ESRRB: variants seen among roughly 807,000 people sequenced by gnomAD.
ESRRB encodes the protein steroid hormone receptor ERR2.
In ESRRB, 16 loss-of-function variants were observed where a neutral mutation model predicts 46.0. The observed-to-expected ratio is 0.35, with a 90% CI of 0.24 to 0.53. ESRRB has a LOEUF of 0.53. Among genes scored for constraint, ESRRB ranks in the 20% least tolerant of loss-of-function variants. The pLI, the probability that ESRRB is intolerant of heterozygous loss-of-function variation, is 0.93. For synonymous variants in ESRRB, 246 were observed against 259.6 expected, an observed-to-expected ratio of 0.95 and a Z score of 0.50; for missense variants, 488 against 607.4, an observed-to-expected ratio of 0.80 and a Z score of 2.07.
chr14:76,360,487 T>A (rs904409716), intron 1 of ESRRB, among the ~76,000 whole-genome samples: 1 of 151,990 alleles, frequency 6.6e-6, no homozygotes, highest in Non-Finnish European at 1.5e-5. Flanking sequence ...CTAGAACCCA[T>A]GAAATCAAGT....
upstream of ESRRB, among the ~76,000 whole-genome samples, chr14:76,369,973 G>A (rs569604053): frequency 1.6e-4 from 24 of 152,320 alleles, no homozygotes; most frequent in African/African-American, 5.8e-4. Context: ...TGTGGCCATT[G>A]CTGACCATGG....
chr14:76,500,825 T>C lies in ESRRB; in HGVS notation c.*2367T>C. On this transcript the variant is annotated 3_prime_UTR_variant, in exon 7 of 7. Transcript: ENST00000644823. ...TCACTTCAGAGCCCCTCTAGCAGAG[T>C]GGGGCGGAAGTCCTGATGGTTGGTG... 1 of 1,285,384 alleles carries C rather than the reference T, an allele frequency of 7.8e-7. No individual in the cohort carries two copies. The highest frequency in any genetic ancestry group is 1.2e-5 in the South Asian group (1 of 84,644). The allele number at this position is 1,285,384 out of a possible 1,614,324, so 79.6% of individuals were successfully genotyped here.
chr14:76,376,479 G>C lies in ESRRB; in HGVS notation c.50+28G>C. 8.1e-7 allele frequency: 1 copy of C among 1,229,502 alleles called. No homozygotes were observed. The highest frequency in any genetic ancestry group is 4.1e-5 in the South Asian group (1 of 24,260). The allele number at this position is 1,229,502 out of a possible 1,614,324, so 76.2% of individuals were successfully genotyped here. On this transcript the variant is annotated intron_variant, in intron 1 of 6. Coordinates refer to ENST00000644823, the MANE Select transcript of ESRRB (RefSeq NM_001379180.1). This position sits in a 1 kb window ranked among gnomAD's most constrained non-coding sequence, Gnocchi z 4.1. ...AGGTGCCCTGCTTCTCGGTCTGTCTGTCCTTCTGCCCGTCTGGCAGTCTCT... is the reference window on the plus strand; with the variant it reads ...AGGTGCCCTGCTTCTCGGTCTGTCTCTCCTTCTGCCCGTCTGGCAGTCTCT...
rs532710786 is a variant in ESRRB at position 76,490,951 on chromosome 14, C to T, written c.851-496C>T. 5.5e-4 allele frequency among the ~76,000 whole-genome samples: 84 copies of T among 152,166 alleles called. No homozygotes were observed. In the South Asian group the frequency reaches 6.7e-3, roughly 12 times the overall value. ...CTGCGTCCTCGTTCTTGGTCAGGCC[C>T]GTGGGTCTCTGCACAGCTGAGACTG... On this transcript the variant is annotated intron_variant, in intron 5 of 6. Coordinates refer to ENST00000644823, the MANE Select transcript of ESRRB (RefSeq NM_001379180.1).
chr14:76,366,445 G>A (rs1021484920), upstream of ESRRB, among the ~76,000 whole-genome samples: 8 of 152,196 alleles, frequency 5.3e-5, no homozygotes, highest in Non-Finnish European at 7.3e-5. Flanking sequence ...GTGAAAGCCA[G>A]TATGTTAAGG....
chr14:76,494,851 C>G lies in ESRRB; in HGVS notation c.1120+3135C>G, dbSNP rs537893165. Reference sequence around the variant, plus strand: ...GCTGGCCAGGCCTTGGAGGTCAAGCCCTCTATTCTGGGCTCTCCTAACTTA... The same window carrying G: ...GCTGGCCAGGCCTTGGAGGTCAAGCGCTCTATTCTGGGCTCTCCTAACTTA... On this transcript the variant is annotated intron_variant, in intron 6 of 6. Coordinates refer to ENST00000644823, the MANE Select transcript of ESRRB (RefSeq NM_001379180.1). 4.6e-5 allele frequency among the ~76,000 whole-genome samples: 7 copies of G among 152,198 alleles called. No individual in the cohort carries two copies. In the East Asian group the frequency reaches 1.2e-3, roughly 25 times the overall value.
At chr14:76,386,725 G>T (rs778766128) in intron 1 of ESRRB, among the ~76,000 whole-genome samples, 1 of 152,082 alleles carries the variant, frequency 6.6e-6, no homozygotes, top group Non-Finnish European at 1.5e-5. Context: ...GCCTCCAAAT[G>T]ACCATCTTTA....
chr14:76,475,360 C>A (rs1166714840), intron 3 of ESRRB, among the ~76,000 whole-genome samples: 1 of 147,908 alleles, frequency 6.8e-6, no homozygotes, highest in Non-Finnish European at 1.5e-5. Context: ...CAGAGGAAGA[C>A]CTTGCCTCGA....
intron 1 of ESRRB, among the ~76,000 whole-genome samples, chr14:76,398,162 C>A (rs115539390): frequency 6.6e-6 from 1 of 152,206 alleles, no homozygotes; most frequent in Non-Finnish European, 1.5e-5. Context: ...ATGCCAGGCA[C>A]AGTGTATCGT....
intron 1 of ESRRB, among the ~76,000 whole-genome samples, chr14:76,332,615 T>A (rs1477175771): frequency 5.3e-4 from 18 of 34,182 alleles, no homozygotes; most frequent in Admixed American, 4.3e-3. Context: ...TATTTATATA[T>A]TATATAAATA....
chr14:76,381,155 G>A (rs1028301140), intron 1 of ESRRB, among the ~76,000 whole-genome samples: 2 of 152,106 alleles, frequency 1.3e-5, no homozygotes, highest in Non-Finnish European at 2.9e-5. Flanking sequence ...GGGTGGGGTG[G>A]GATTATATCC....
intron 1 of ESRRB, among the ~76,000 whole-genome samples, chr14:76,378,798 A>C (rs1245481771): frequency 1.3e-5 from 2 of 152,162 alleles, no homozygotes; most frequent in Admixed American, 1.3e-4. Context: ...TTTGTGACAC[A>C]GCTTTAGAGC....
chr14:76,464,795 C>T (rs1889038171), intron 3 of ESRRB, among the ~76,000 whole-genome samples: 1 of 152,138 alleles, frequency 6.6e-6, no homozygotes, highest in African/African-American at 2.4e-5. Flanking sequence ...ATGTTGGGCC[C>T]TTTCTGCTCC....
intron 1 of ESRRB, among the ~76,000 whole-genome samples, chr14:76,356,547 G>A (rs1265425424): frequency 6.6e-6 from 1 of 152,154 alleles, no homozygotes; most frequent in African/African-American, 2.4e-5. Flanking sequence ...ATTCCTTCTA[G>A]CCCCAGCCTG....
intron 1 of ESRRB, among the ~76,000 whole-genome samples, chr14:76,397,802 A>G (rs552021438): frequency 6.6e-6 from 1 of 152,326 alleles, no homozygotes; most frequent in African/African-American, 2.4e-5. Flanking sequence ...GGGGCTTCTG[A>G]ATAACCTCGA....
At chr14:76,484,807 G>A (rs1230957133) in intron 5 of ESRRB, among the ~76,000 whole-genome samples, 1 of 152,206 alleles carries the variant, frequency 6.6e-6, no homozygotes, top group African/African-American at 2.4e-5. Flanking sequence ...TCTCAGCTCT[G>A]TCCTTACTGG....
chr14:76,471,155 T>A (rs757764911), intron 3 of ESRRB, among the ~76,000 whole-genome samples: 8 of 152,134 alleles, frequency 5.3e-5, no homozygotes, highest in Non-Finnish European at 1.5e-5. Flanking sequence ...AACCTGGAGG[T>A]CATCCTTGAC....
chr14:76,349,611 T>C (rs955270617), intron 1 of ESRRB, among the ~76,000 whole-genome samples: 1 of 152,098 alleles, frequency 6.6e-6, no homozygotes, highest in Non-Finnish European at 1.5e-5. Flanking sequence ...TAGTTGGGGT[T>C]TATCTGAACT....
At chr14:76,460,709 A>ATTTTTTTTTTTT (rs58597850) in intron 2 of ESRRB, among the ~76,000 whole-genome samples, 4 of 141,650 alleles carry the variant, frequency 2.8e-5, no homozygotes, top group African/African-American at 1.1e-4. Flanking sequence ...TTCCAGTTAC[A>ATTTTTTTTTTTT]TTTTTTTTTG....
Sources: allele counts gnomAD v4.1 joint callset (sites outside exome capture counted in the v4.1 genomes callset), GRCh38; gene constraint gnomAD v4.1.1; non-coding constraint Gnocchi (gnomAD v3.1); transcripts MANE v1.5; gene names NCBI Gene and HGNC (gene_info 2026-07-23, HGNC 2026-07-21).